The following CDK15 variants were observed in gnomAD, a reference collection of about 807,000 sequenced individuals.
CDK15 encodes cyclin-dependent kinase 15.
CDK15 carries 62 observed loss-of-function variants against 60.3 expected under a neutral mutation model. The ratio of observed to expected loss-of-function variants is 1.03; its 90% CI spans 0.84 to 1.27. The LOEUF (loss-of-function observed/expected upper bound fraction) is 1.27. Among genes scored for constraint, CDK15 ranks in the 50% most tolerant of loss-of-function variants. CDK15 has a pLI of 0.00. For missense variants in CDK15, 541 were observed against 527.8 expected, an observed-to-expected ratio of 1.03 and a Z score of -0.25; for synonymous variants, 194 against 195.7, an observed-to-expected ratio of 0.99 and a Z score of 0.07.
chr2:201,875,694 T>C (rs898213039), intron 11 of CDK15, among the ~76,000 whole-genome samples: 5 of 152,166 alleles, frequency 3.3e-5, no homozygotes, highest in African/African-American at 1.2e-4. Context: ...ATGGAAAAAG[T>C]AGGTTATAAG....
At chr2:201,833,683 C>T (rs1159849468) in intron 6 of CDK15, among the ~76,000 whole-genome samples, 165 bp from the exon 7 acceptor site, 1 of 147,186 alleles carries the variant, frequency 6.8e-6, no homozygotes, top group East Asian at 2.0e-4. Context: ...TTTTTCTTCC[C>T]CCTCTGAATG....
At chr2:201,812,312 A>G (rs1574845946) in intron 3 of CDK15, among the ~76,000 whole-genome samples, 171 bp from the exon 4 acceptor site, 1 of 152,172 alleles carries the variant, frequency 6.6e-6, no homozygotes, top group East Asian at 1.9e-4. Context: ...TTTGGAATAT[A>G]TATGTTATAT....
At chr2:201,850,112 C>T (rs944664463) in intron 9 of CDK15, among the ~76,000 whole-genome samples, 1 of 152,252 alleles carries the variant, frequency 6.6e-6, no homozygotes, top group Non-Finnish European at 1.5e-5. Context: ...CGTGAGCCAC[C>T]GCGCCCAGCC....
chr2:201,880,185 T>C lies in CDK15; in HGVS notation c.1198+18T>C. The C allele has an allele frequency of 1.2e-6, 2 of 1,613,448 alleles. No individual in the cohort carries two copies. The highest frequency in any genetic ancestry group is 1.7e-6 in the Non-Finnish European group (2 of 1,179,716). ...TCCTGATGGTGAGCGAGGGAGTGTG[T>C]GCGTGTGCGTGAGTGCATGTGCGTG... On this transcript the variant is annotated intron_variant, in intron 12 of 13. Coordinates refer to ENST00000652192, the MANE Select transcript of CDK15 (RefSeq NM_001366386.2).
intron 10 of CDK15, among the ~76,000 whole-genome samples, chr2:201,857,226 C>A (rs1698180004): frequency 2.5e-5 from 1 of 40,708 alleles, no homozygotes; most frequent in Non-Finnish European, 8.9e-5. Context: ...GAGCGAGACT[C>A]CGTCTCAAAA....
At chr2:201,829,538 T>C (rs1054682443) in intron 6 of CDK15, among the ~76,000 whole-genome samples, 11 of 152,120 alleles carry the variant, frequency 7.2e-5, no homozygotes, top group African/African-American at 2.4e-4. Context: ...ATACCATGAA[T>C]TGTGTTTTAG....
chr2:201,878,500 C>T (rs1255584967), intron 11 of CDK15, among the ~76,000 whole-genome samples: 1 of 152,160 alleles, frequency 6.6e-6, no homozygotes, highest in Non-Finnish European at 1.5e-5. Flanking sequence ...CTTTCCTGAC[C>T]ACCTCTTCCC....
At chr2:201,832,973 G>A (rs554743532) in intron 6 of CDK15, among the ~76,000 whole-genome samples, 3 of 152,282 alleles carry the variant, frequency 2.0e-5, no homozygotes, top group Admixed American at 1.3e-4. Flanking sequence ...AATTGCCAAT[G>A]GCACTGGAAA....
At chr2:201,819,350 C>A (rs1696125362) in intron 4 of CDK15, among the ~76,000 whole-genome samples, 1 of 152,152 alleles carries the variant, frequency 6.6e-6, no homozygotes, top group Admixed American at 6.5e-5. Context: ...GCAAGTGTGT[C>A]TAAGGAACAG....
intron 10 of CDK15, among the ~76,000 whole-genome samples, chr2:201,867,137 C>T (rs1236877842): frequency 6.6e-6 from 1 of 152,188 alleles, no homozygotes; most frequent in African/African-American, 2.4e-5. Context: ...GTGTCAGACA[C>T]TGTGTTCTGC....
intron 10 of CDK15, among the ~76,000 whole-genome samples, chr2:201,857,934 C>G (rs930790361): frequency 7.9e-5 from 12 of 152,160 alleles, no homozygotes; most frequent in African/African-American, 2.2e-4. Flanking sequence ...AGGAAAGTGT[C>G]ACAGATGAGC....
chr2:201,807,814 CT>C, intron 2 of CDK15, 43 bp from the exon 3 acceptor site: 1 of 1,576,862 alleles, frequency 6.3e-7, no homozygotes, highest in African/African-American at 1.4e-5. Flanking sequence ...TGTTCTTTCT[CT>C]CTTCCCTTTC....
Position 201,890,902 on chromosome 2 carries a change from G to T in CDK15, c.*8G>T. The T allele has an allele frequency of 6.2e-7, 1 of 1,602,542 alleles. No individual in the cohort carries two copies. Among genetic ancestry groups the T allele is most frequent in the South Asian group, 1.1e-5 (1 of 90,388 alleles). ...TTTAGCAAATGCTGGTGAAAAGAAA[G>T]GGCGAGATCACCAAGGTTCTTCCAG... On this transcript the variant is annotated 3_prime_UTR_variant, in exon 13 of 14. Transcript: ENST00000652192.
intron 4 of CDK15, among the ~76,000 whole-genome samples, chr2:201,815,109 A>C (rs1182156412): frequency 2.0e-5 from 3 of 151,966 alleles, no homozygotes; most frequent in Non-Finnish European, 4.4e-5. Context: ...GTGCCACCAC[A>C]CCCAGCTAAT....
At chr2:201,874,084 TG>T (rs886536512) in intron 11 of CDK15, among the ~76,000 whole-genome samples, 6 of 136,812 alleles carry the variant, frequency 4.4e-5, no homozygotes, top group Non-Finnish European at 9.2e-5. Flanking sequence ...AAAAAAAAGT[TG>T]GGGGGAGGTA....
At chr2:201,857,538 A>T (rs1698198465) in intron 10 of CDK15, among the ~76,000 whole-genome samples, 1 of 151,754 alleles carries the variant, frequency 6.6e-6, no homozygotes, top group African/African-American at 2.4e-5. Flanking sequence ...ATTCACCCAC[A>T]CTCTTTCACC....
Position 201,894,666 on chromosome 2 carries a change from A to G in CDK15, c.*1399A>G, listed in dbSNP as rs1574951495. 6.6e-6 allele frequency: 1 copy of G among 152,192 alleles called. No homozygotes were observed. Among genetic ancestry groups the G allele is most frequent in the African/African-American group, 2.4e-5 (1 of 41,434 alleles). The allele number at this position is 152,192 out of a possible 1,614,324, so 9.4% of individuals were successfully genotyped here. A position where few individuals can be genotyped will look rare whatever the true frequency, so the allele number is the denominator to read the frequency against. On this transcript the variant is annotated 3_prime_UTR_variant, in exon 14 of 14. Coordinates refer to ENST00000652192, the MANE Select transcript of CDK15 (RefSeq NM_001366386.2). ...ATTATTAATTTATGACTTCCATTTCACAAAAGAGGAGACTGAGGCTCAGTG... is the reference window on the plus strand; with the variant it reads ...ATTATTAATTTATGACTTCCATTTCGCAAAAGAGGAGACTGAGGCTCAGTG...
At chr2:201,842,609 C>T (rs528852470) in intron 8 of CDK15, among the ~76,000 whole-genome samples, 57 of 152,284 alleles carry the variant, frequency 3.7e-4, no homozygotes, top group Non-Finnish European at 7.2e-4. Context: ...TCCAAAAAGC[C>T]TAAAACTCCC....
intron 13 of CDK15, among the ~76,000 whole-genome samples, chr2:201,892,427 A>C (rs940337756): frequency 2.6e-5 from 4 of 152,212 alleles, no homozygotes. Flanking sequence ...AGCAGCTGGA[A>C]GGTAGGGAGA....
Sources: allele counts gnomAD v4.1 joint callset (sites outside exome capture counted in the v4.1 genomes callset), GRCh38; gene constraint gnomAD v4.1.1; transcripts MANE v1.5; gene names NCBI Gene and HGNC (gene_info 2026-07-23, HGNC 2026-07-21).